Variants in KLHL22 observed in about 807,000 individuals in gnomAD.
The protein encoded by KLHL22 is kelch-like protein 22.
KLHL22 carries 18 observed loss-of-function variants against 60.7 expected under a neutral mutation model. The ratio of observed to expected loss-of-function variants is 0.30; its 90% CI spans 0.20 to 0.44. The LOEUF (loss-of-function observed/expected upper bound fraction) is 0.44. Ranked by LOEUF, KLHL22 falls within the 20% of genes least tolerant of loss-of-function variation. The pLI is 1.00. For synonymous variants in KLHL22, 355 were observed against 354.5 expected, an observed-to-expected ratio of 1.00 and a Z score of -0.01; for missense variants, 596 against 852.3, an observed-to-expected ratio of 0.70 and a Z score of 3.74.
At chr22:20,477,880 T>G (rs1446573934) in intron 2 of KLHL22, among the ~76,000 whole-genome samples, 1 of 152,180 alleles carries the variant, frequency 6.6e-6, no homozygotes, top group South Asian at 2.1e-4. Context: ...CCATGGAACA[T>G]GGCTCAATCA....
intron 4 of KLHL22, among the ~76,000 whole-genome samples, chr22:20,458,621 C>T (rs2053104562): frequency 6.6e-6 from 1 of 151,852 alleles, no homozygotes; most frequent in Non-Finnish European, 1.5e-5. Context: ...CCAAATACAG[C>T]CTCTCCACTG....
At position 20,488,481 on chromosome 22, in the gene KLHL22, AG is replaced by A. The variant is rs1184491976; in HGVS notation, c.227+503del. 1.8e-5 allele frequency: 3 copies of A among 168,322 alleles called. 1 individual carries two copies. The highest frequency in any genetic ancestry group is 7.2e-5 in the African/African-American group (3 of 41,624). 10.4% of individuals were successfully genotyped at this position (168,322 alleles called of 1,614,324 possible). On this transcript the variant is annotated intron_variant, in intron 2 of 6. Transcript: ENST00000328879. ...AGGGATAAGAGACAGATTCCAACCC[AG>A]TGGAAAAGACAGATAAGCCAGTGGT...
At chr22:20,444,844 G>A (rs536916868) in intron 6 of KLHL22, among the ~76,000 whole-genome samples, 2 of 152,040 alleles carry the variant, frequency 1.3e-5, no homozygotes, top group African/African-American at 4.8e-5. Flanking sequence ...GAGTGCAGTG[G>A]CACCATCACG....
intron 2 of KLHL22, chr22:20,482,852 AC>A: frequency 7.9e-7 from 1 of 1,272,622 alleles, no homozygotes; most frequent in Non-Finnish European, 1.1e-6. Flanking sequence ...GGTCTCAGAC[AC>A]CACTTTGCCA....
At position 20,482,622 on chromosome 22, in the gene KLHL22, G is replaced by A. The variant is rs142758812; in HGVS notation, c.227+6363C>T. Among the ~76,000 whole-genome samples, 492 of 152,164 alleles carry A rather than the reference G, an allele frequency of 3.2e-3. 2 individuals are homozygous for A. Among genetic ancestry groups the A allele is most frequent in the African/African-American group, 0.011 (457 of 41,510 alleles). On this transcript the variant is annotated intron_variant, in intron 2 of 6. Coordinates refer to ENST00000328879, the MANE Select transcript of KLHL22 (RefSeq NM_032775.4). Reference sequence around the variant, plus strand: ...GAGTCTCACTCTGTCGCCCAGGCTGGTGTGCAGTGGTGCGATCTCGGCTCA... The same window carrying A: ...GAGTCTCACTCTGTCGCCCAGGCTGATGTGCAGTGGTGCGATCTCGGCTCA...
intron 3 of KLHL22, among the ~76,000 whole-genome samples, 156 bp downstream of exon 3, chr22:20,471,194 C>T (rs113462545): frequency 3.3e-5 from 5 of 152,328 alleles, no homozygotes; most frequent in South Asian, 4.1e-4. Context: ...GGAACAACTC[C>T]AGAGTCTTCC....
intron 1 of KLHL22, among the ~76,000 whole-genome samples, chr22:20,490,548 GCC>G (rs1190430256): frequency 3.3e-5 from 5 of 152,170 alleles, no homozygotes; most frequent in South Asian, 4.1e-4. Flanking sequence ...AATCAATTCT[GCC>G]ACAGATACCA....
chr22:20,467,133 T>C (rs1353362914), intron 3 of KLHL22, among the ~76,000 whole-genome samples: 1 of 152,204 alleles, frequency 6.6e-6, no homozygotes, highest in Non-Finnish European at 1.5e-5. Context: ...CATGTTCAGA[T>C]TGAAAATGAC....
chr22:20,454,872 TTTTG>T (rs971666598), intron 5 of KLHL22, among the ~76,000 whole-genome samples: 9 of 152,220 alleles, frequency 5.9e-5, no homozygotes, highest in East Asian at 1.9e-4. Flanking sequence ...CTGTGAGGTT[TTTTG>T]TTTGTTTGTT....
intron 4 of KLHL22, among the ~76,000 whole-genome samples, chr22:20,459,143 G>A (rs1454323410): frequency 6.6e-6 from 1 of 152,236 alleles, no homozygotes; most frequent in Admixed American, 6.5e-5. Context: ...CCCACAGATA[G>A]TTACAGCCTC....
At chr22:20,451,090 G>C in intron 5 of KLHL22, 2 of 1,466,706 alleles carry the variant, frequency 1.4e-6, no homozygotes, top group Non-Finnish European at 1.9e-6. Context: ...TGTGGCCTCA[G>C]TGTCCCTACA....
At chr22:20,473,475 G>T (rs2053360087) in intron 2 of KLHL22, among the ~76,000 whole-genome samples, 1 of 152,220 alleles carries the variant, frequency 6.6e-6, no homozygotes, top group Non-Finnish European at 1.5e-5. Flanking sequence ...AACTGGGGCT[G>T]AAGTTTAAAT....
At chr22:20,479,824 A>C (rs1364878061) in intron 2 of KLHL22, among the ~76,000 whole-genome samples, 1 of 152,240 alleles carries the variant, frequency 6.6e-6, no homozygotes, top group Non-Finnish European at 1.5e-5. Flanking sequence ...GAAAATTGTC[A>C]ATAGAATGAT....
chr22:20,472,124 G>A (rs777518951), intron 2 of KLHL22, among the ~76,000 whole-genome samples: 4 of 151,912 alleles, frequency 2.6e-5, no homozygotes, highest in Non-Finnish European at 4.4e-5. Flanking sequence ...TTGTGCATCT[G>A]TAGTCCCAGC....
rs377438938 is a variant in KLHL22 at position 20,465,133 on chromosome 22, G to C, written c.837C>G (p.Asn279Lys). The C allele has an allele frequency of 6.2e-7, 1 of 1,613,954 alleles. No homozygotes were observed. Among genetic ancestry groups the C allele is most frequent in the Non-Finnish European group, 8.5e-7 (1 of 1,180,032 alleles). Residue 279 changes from asparagine (N) to lysine (K), a missense_variant, in exon 4 of 7, where the codon AAC becomes AAG. Transcript: ENST00000328879. This position sits in a 1 kb window ranked among gnomAD's most constrained non-coding sequence, Gnocchi z 4.9. ...TCTGCAGGCTGGGCTGTAGGCTCTC[G>C]TTCCGGTGGTACATGAGGGCGCTGG... Reference protein sequence around the residue: ...TVASALMYHRNESLQPSLQSP... With the variant: ...TVASALMYHRKESLQPSLQSP...
intron 2 of KLHL22, among the ~76,000 whole-genome samples, chr22:20,481,660 T>C (rs2146269011): frequency 6.6e-6 from 1 of 152,292 alleles, no homozygotes; most frequent in East Asian, 1.9e-4. Flanking sequence ...AGTGGGACCA[T>C]CTTGGCTTGG....
intron 6 of KLHL22, among the ~76,000 whole-genome samples, chr22:20,446,124 A>G (rs2052855533): frequency 6.6e-6 from 1 of 152,222 alleles, no homozygotes; most frequent in Non-Finnish European, 1.5e-5. Context: ...TCATGGTGAC[A>G]TTTGTCCAAA....
chr22:20,445,154 T>A (rs1486694288), intron 6 of KLHL22, among the ~76,000 whole-genome samples: 1 of 151,472 alleles, frequency 6.6e-6, no homozygotes, highest in Non-Finnish European at 1.5e-5. Context: ...ATGGTCATAC[T>A]GAAAAACAGT....
rs1011134605 is a variant in KLHL22 at position 20,477,851 on chromosome 22, C to G, written c.228-6336G>C. Among the ~76,000 whole-genome samples the G allele has an allele frequency of 2.0e-5, 3 of 152,210 alleles. No homozygotes were observed. The East Asian group carries it at 5.8e-4, about 29-fold the overall frequency. Reference sequence around the variant, plus strand: ...CCTCCCACCTCAGCCTCCCAAATAGCTGGGACTAAAAGCACTCGCCATGGA... The same window carrying G: ...CCTCCCACCTCAGCCTCCCAAATAGGTGGGACTAAAAGCACTCGCCATGGA... On this transcript the variant is annotated intron_variant, in intron 2 of 6. Transcript: ENST00000328879.
Sources: gnomAD v4.1 joint callset for allele counts (sites outside exome capture counted in the v4.1 genomes callset) on GRCh38, gnomAD v4.1.1 for gene constraint, Gnocchi (gnomAD v3.1) non-coding constraint, MANE v1.5 for transcripts, NCBI Gene and HGNC (gene_info 2026-07-23, HGNC 2026-07-21) for gene names.